The following ADNP variants were observed in gnomAD, a reference collection of about 807,000 sequenced individuals.
ADNP encodes activity dependent neuroprotector homeobox.
In ADNP, 4 loss-of-function variants were observed where a neutral mutation model predicts 84.9. That is an observed-to-expected ratio of 0.05 (90% confidence interval 0.02 to 0.11). The LOEUF is 0.11. Among genes scored for constraint, ADNP ranks in the 10% least tolerant of loss-of-function variants. ADNP has a pLI of 1.00. For synonymous variants in ADNP, 554 were observed against 468.1 expected (o/e 1.18, Z -2.37); for missense variants, 1,132 against 1,326.0 (o/e 0.85, Z 2.27).
chr20:50,889,534 G>A lies in ADNP; in HGVS notation c.*1871C>T. 4.6e-6 allele frequency: 1 copy of A among 218,534 alleles called. No homozygotes were observed. The highest frequency in any genetic ancestry group is 8.9e-6 in the Non-Finnish European group (1 of 111,796). The allele number at this position is 218,534 out of a possible 1,614,324, so 13.5% of individuals were successfully genotyped here. A position where few individuals can be genotyped will look rare whatever the true frequency, so the allele number is the denominator to read the frequency against. ...CTTCTTCCTGTACTGTTGTTGAGAA[G>A]CTTACATTTTAGGGAGAGGCTGGTC... On this transcript the variant is annotated 3_prime_UTR_variant, in exon 6 of 6. Coordinates refer to ENST00000621696, the MANE Select transcript of ADNP (RefSeq NM_001282531.3).
chr20:50,896,258 T>C (rs1568714428), intron 5 of ADNP, among the ~76,000 whole-genome samples: 2 of 151,908 alleles, frequency 1.3e-5, no homozygotes, highest in Non-Finnish European at 2.9e-5. Flanking sequence ...ACAAACACAT[T>C]GTACAGCCGT....
Position 50,893,928 on chromosome 20 carries a change from A to C in ADNP, c.786T>G (p.Val262=), listed in dbSNP as rs765974970. Residue 262 remains valine (V), a synonymous_variant, in exon 6 of 6, where the codon GTT becomes GTG. Transcript: ENST00000621696. The surrounding 1 kb of genome is among the most constrained non-coding windows in gnomAD (Gnocchi z 4.4). ...TTAGCATCAAGGGTTTGGATCGGGGAACCACTACATTTGTGTGCCCAATCA... is the reference window on the plus strand; with the variant it reads ...TTAGCATCAAGGGTTTGGATCGGGGCACCACTACATTTGTGTGCCCAATCA... The part of the protein sequence containing the change: ...TAMIGHTNVV[V]PRSKPLMLIA... 2.8e-5 allele frequency: 45 copies of C among 1,614,002 alleles called. No homozygotes were observed. The East Asian group carries it at 7.6e-4, about 27-fold the overall frequency.
intron 5 of ADNP, among the ~76,000 whole-genome samples, chr20:50,901,349 T>TAAAAAAA (rs1981966682): frequency 1.4e-5 from 1 of 71,058 alleles, no homozygotes; most frequent in African/African-American, 4.9e-5. Flanking sequence ...AAAAAAAAAG[T>TAAAAAAA]CAAATATCTG....
chr20:50,900,180 C>T (rs557661984), intron 5 of ADNP, among the ~76,000 whole-genome samples: 1 of 152,178 alleles, frequency 6.6e-6, no homozygotes, highest in Non-Finnish European at 1.5e-5. Flanking sequence ...TTTTACTGTA[C>T]CTTTTCTATG....
intron 2 of ADNP, among the ~76,000 whole-genome samples, chr20:50,912,285 T>C (rs1983107371): frequency 1.3e-5 from 2 of 152,156 alleles, no homozygotes; most frequent in Admixed American, 1.3e-4. Context: ...TAGCTGGGAT[T>C]ACAGGCACGC....
intron 2 of ADNP, among the ~76,000 whole-genome samples, chr20:50,924,036 C>T (rs1568745493): frequency 6.6e-6 from 1 of 152,206 alleles, no homozygotes; most frequent in Non-Finnish European, 1.5e-5. Context: ...AGGTCATGAG[C>T]TTCCACCAGA....
In ADNP at chr20:50,891,546, G is replaced by A. The variant is rs1320301566; in HGVS notation, c.3168C>T (p.Arg1056=). 6 of 1,611,924 alleles carry A rather than the reference G, an allele frequency of 3.7e-6. No individual in the cohort carries two copies. The highest frequency in any genetic ancestry group is 2.7e-5 in the African/African-American group (2 of 74,936). Residue 1056 remains arginine (R), a synonymous_variant, in exon 6 of 6, where the codon CGC becomes CGT. Coordinates refer to ENST00000621696, the MANE Select transcript of ADNP (RefSeq NM_001282531.3). ...QWKNASENDE[R]LSNPQIEWQN... ...GCCACTCAATCTGGGGGTTAGATAA[G>A]CGCTCATCATTCTCAGATGCATTCT...
chr20:50,893,037 G>A lies in ADNP; in HGVS notation c.1677C>T (p.His559=). The change falls in exon 6 of 6, where the codon CAC becomes CAT. Residue 559 remains histidine, a synonymous_variant. Transcript: ENST00000621696. This position sits in a 1 kb window ranked among gnomAD's most constrained non-coding sequence, Gnocchi z 4.4. ...SFDLTLQQGS[H]TNIHLLVTTY... is the part of the protein sequence containing the mutation. ...TAGTTACCAGGAGATGGATGTTAGT[G>A]TGACTACCCTGCTGCAATGTCAAAT... 2 of 1,614,218 alleles carry A rather than the reference G, an allele frequency of 1.2e-6. No individual in the cohort carries two copies. Among genetic ancestry groups the A allele is most frequent in the Middle Eastern group, 1.6e-4 (1 of 6,062 alleles).
At chr20:50,917,478 A>G (rs1983603316) in intron 2 of ADNP, among the ~76,000 whole-genome samples, 1 of 152,184 alleles carries the variant, frequency 6.6e-6, no homozygotes, top group African/African-American at 2.4e-5. Context: ...TAAAATGAAA[A>G]CCACAACCTT....
intron 2 of ADNP, among the ~76,000 whole-genome samples, chr20:50,908,127 G>C (rs1982666417): frequency 6.9e-6 from 1 of 145,276 alleles, no homozygotes; most frequent in Non-Finnish European, 1.5e-5. Context: ...ACCTTCAAAA[G>C]CATTTGCAAA....
chr20:50,915,511 G>A (rs1047145822), intron 2 of ADNP, among the ~76,000 whole-genome samples: 2 of 152,086 alleles, frequency 1.3e-5, no homozygotes, highest in Non-Finnish European at 2.9e-5. Context: ...AAAATACACC[G>A]CCCTGAACAG....
intron 5 of ADNP, among the ~76,000 whole-genome samples, chr20:50,900,590 A>G (rs991299538): frequency 6.6e-6 from 1 of 152,202 alleles, no homozygotes; most frequent in Non-Finnish European, 1.5e-5. Context: ...GCTCAATTAT[A>G]TTCTTATGGG....
At chr20:50,929,717 ATTT>A (rs57226720) in intron 1 of ADNP, among the ~76,000 whole-genome samples, 2 of 147,608 alleles carry the variant, frequency 1.4e-5, no homozygotes, top group East Asian at 4.0e-4. Context: ...TATCCAAGAG[ATTT>A]TTTTTTTTTT....
intron 2 of ADNP, chr20:50,905,385 A>T (rs530204183): frequency 7.2e-5 from 11 of 152,358 alleles, no homozygotes; most frequent in African/African-American, 2.6e-4. Flanking sequence ...TTTCTAATTA[A>T]CAAAGGCTGT....
At chr20:50,926,685 T>C (rs958195102) in intron 2 of ADNP, among the ~76,000 whole-genome samples, 1 of 152,194 alleles carries the variant, frequency 6.6e-6, no homozygotes, top group African/African-American at 2.4e-5. Context: ...ATATATTTTA[T>C]ATGTATGTGT....
At position 50,899,111 on chromosome 20, in the gene ADNP, T is replaced by C. The variant is rs542469046; in HGVS notation, c.201+2906A>G. ...CAGTATTCTTGGGATGCTCAAACCC[T>C]CTTATACAGAGGGCTAGCTTTTGGT... On this transcript the variant is annotated intron_variant, in intron 5 of 5. Transcript: ENST00000621696. 9.2e-5 allele frequency among the ~76,000 whole-genome samples: 14 copies of C among 152,212 alleles called. No homozygotes were observed. The East Asian group carries it at 2.5e-3, about 27-fold the overall frequency.
chr20:50,893,527 G>C lies in ADNP; in HGVS notation c.1187C>G (p.Ser396Cys). ...CGATGAGAGAGAAGAGGCATTAGCA[G>C]ACTGCAGGGAGTATCTTGCTGGTGC... ...SQAPARYSLQSANASSLSSGQ... is the reference protein window; with the variant it reads ...SQAPARYSLQCANASSLSSGQ... The change falls in exon 6 of 6, where the codon TCT (serine) becomes TGT (cysteine). Residue 396 changes from serine to cysteine, a missense_variant. Around this residue, in one of 10 missense-constraint regions of ADNP, gnomAD observed 239 missense variants for 213.2 expected, o/e 1.12. Coordinates refer to ENST00000621696, the MANE Select transcript of ADNP (RefSeq NM_001282531.3). The surrounding 1 kb of genome is among the most constrained non-coding windows in gnomAD (Gnocchi z 4.4). 6.2e-7 allele frequency: 1 copy of C among 1,613,860 alleles called. No individual in the cohort carries two copies. The highest frequency in any genetic ancestry group is 8.5e-7 in the Non-Finnish European group (1 of 1,180,032).
chr20:50,920,133 C>T (rs1386507156), intron 2 of ADNP, among the ~76,000 whole-genome samples: 2 of 149,036 alleles, frequency 1.3e-5, no homozygotes, highest in South Asian at 2.1e-4. Context: ...AAAAATTAGC[C>T]GGGCGTGGTG....
chr20:50,901,165 T>C (rs753303823), intron 5 of ADNP, among the ~76,000 whole-genome samples: 10 of 152,018 alleles, frequency 6.6e-5, no homozygotes, highest in Non-Finnish European at 1.3e-4. Flanking sequence ...GTTTGAACCA[T>C]GATGAAATAC....
Sources: allele counts gnomAD v4.1 joint callset (sites outside exome capture counted in the v4.1 genomes callset), GRCh38; gene constraint gnomAD v4.1.1; regional missense constraint gnomAD v4.1.1; non-coding constraint Gnocchi (gnomAD v3.1); transcripts MANE v1.5; gene names NCBI Gene and HGNC (gene_info 2026-07-23, HGNC 2026-07-21).